LEO1: variants seen among roughly 807,000 people sequenced by gnomAD.
The protein encoded by LEO1 is RNA polymerase-associated protein LEO1.
Under a neutral mutation model 80.4 loss-of-function variants are expected in LEO1, and 34 were observed. The ratio of observed to expected loss-of-function variants is 0.42; its 90% CI spans 0.32 to 0.56. The LOEUF (loss-of-function observed/expected upper bound fraction) is 0.56, where lower values mean the gene tolerates loss of function less well. Ranked by LOEUF, LEO1 falls within the 20% of genes least tolerant of loss-of-function variation. LEO1 has a pLI of 0.10. For synonymous variants in LEO1, 262 were observed against 274.9 expected, an observed-to-expected ratio of 0.95 and a Z score of 0.46; for missense variants, 631 against 814.2, an observed-to-expected ratio of 0.77 and a Z score of 2.74.
intron 11 of LEO1, among the ~76,000 whole-genome samples, chr15:51,942,864 G>C (rs1160536903): frequency 6.7e-6 from 1 of 149,768 alleles, no homozygotes; most frequent in Non-Finnish European, 1.5e-5. Flanking sequence ...GGAGGTTGCA[G>C]TGAGCCAAGA....
chr15:51,956,988 G>T (rs2593185), intron 6 of LEO1, among the ~76,000 whole-genome samples: 15 of 151,836 alleles, frequency 9.9e-5, no homozygotes, highest in Middle Eastern at 3.4e-3. Flanking sequence ...CATCTCTGCT[G>T]GCTAATTTTT....
intron 6 of LEO1, 44 bp from the exon 7 acceptor site, chr15:51,954,619 ACT>A (rs2056974083): frequency 3.9e-6 from 5 of 1,273,392 alleles, no homozygotes; most frequent in Non-Finnish European, 4.6e-6. Flanking sequence ...AGTTTAAATG[ACT>A]CTATGCATCT....
intron 1 of LEO1, 132 bp downstream of exon 1, chr15:51,971,556 G>T: frequency 1.2e-6 from 1 of 856,880 alleles, no homozygotes; most frequent in Non-Finnish European, 1.9e-6. Flanking sequence ...ACCTCCGGGA[G>T]TGCAGGGGGC....
intron 9 of LEO1, 25 bp from the exon 10 acceptor site, chr15:51,950,019 T>A (rs770004465): frequency 6.3e-7 from 1 of 1,584,624 alleles, no homozygotes; most frequent in Admixed American, 1.8e-5. Context: ...ATAACCTCTT[T>A]AACCTAAAAA....
At chr15:51,971,648 G>A (rs192162555) in intron 1 of LEO1, 40 bp downstream of exon 1, 10 of 1,603,920 alleles carry the variant, frequency 6.2e-6, no homozygotes, top group Non-Finnish European at 7.7e-6. Context: ...ACAGCGGAAG[G>A]CCTGCCACGC....
chr15:51,960,557 C>A, intron 4 of LEO1, 82 bp downstream of exon 4: 1 of 774,062 alleles, frequency 1.3e-6, no homozygotes, highest in Non-Finnish European at 2.3e-6. Flanking sequence ...TTATCAACTT[C>A]CTTTCCTGGA....
At chr15:51,956,981 C>T (rs1034760177) in intron 6 of LEO1, among the ~76,000 whole-genome samples, 3 of 152,088 alleles carry the variant, frequency 2.0e-5, no homozygotes, top group African/African-American at 7.2e-5. Context: ...CATGCGCCAT[C>T]TCTGCTGGCT....
chr15:51,944,841 G>C (rs1474209374), intron 11 of LEO1, among the ~76,000 whole-genome samples: 1 of 152,184 alleles, frequency 6.6e-6, no homozygotes, highest in South Asian at 2.1e-4. Context: ...GCAACGCTGA[G>C]AGAAAAATGA....
At position 51,971,723 on chromosome 15, in the gene LEO1, A is replaced by G. The variant is rs773611064; in HGVS notation, c.23T>C (p.Phe8Ser). The stretch of plus-strand genomic sequence containing the variant: ...AGCTTCGCTGTCGGCGTCGCTCCCG[A>G]AGAGATCCTCCATATCCGCCATTAT... Reference protein sequence around the residue: MADMEDLFGSDADSEAER... With the variant: MADMEDLSGSDADSEAER... Residue 8 changes from phenylalanine to serine, a missense_variant, in exon 1 of 12, where the codon TTC becomes TCC. Transcript: ENST00000299601. The G allele has an allele frequency of 6.2e-7, 1 of 1,614,162 alleles. No homozygotes were observed. Among genetic ancestry groups the G allele is most frequent in the Admixed American group, 1.7e-5 (1 of 60,020 alleles).
rs778035058 is a variant in LEO1 at position 51,951,862 on chromosome 15, T to C, written c.1593A>G (p.Gln531=). ...LPMAGRDPEC[Q]RTEMIKKEEE... is the part of the protein sequence containing the mutation. ...AACATACCTTAATCATTTCTGTGCG[T>C]TGGCATTCAGGATCACGACCAGCCA... The change falls in exon 9 of 12, where the codon CAA becomes CAG. Residue 531 remains glutamine, a synonymous_variant. Transcript: ENST00000299601. The C allele has an allele frequency of 2.5e-6, 4 of 1,614,072 alleles. No homozygotes were observed. In the South Asian group the frequency reaches 3.3e-5, roughly 13 times the overall value.
At chr15:51,970,685 T>C (rs1375516216) in intron 1 of LEO1, among the ~76,000 whole-genome samples, 1 of 152,106 alleles carries the variant, frequency 6.6e-6, no homozygotes, top group African/African-American at 2.4e-5. Context: ...GGAAGGAGCA[T>C]ATGAGGAGTA....
At chr15:51,959,152 G>C (rs966866145) in intron 5 of LEO1, among the ~76,000 whole-genome samples, 2 of 151,946 alleles carry the variant, frequency 1.3e-5, no homozygotes, top group Non-Finnish European at 2.9e-5. Context: ...ACAGGAATGC[G>C]CCACCATGCC....
At chr15:51,949,669 C>A in intron 10 of LEO1, 139 bp downstream of exon 10, 1 of 723,710 alleles carries the variant, frequency 1.4e-6, no homozygotes, top group East Asian at 2.6e-5. Flanking sequence ...CACTGCACTC[C>A]AGCCTGGGTG....
At chr15:51,946,004 A>C (rs1224766343) in intron 11 of LEO1, among the ~76,000 whole-genome samples, 1 of 151,988 alleles carries the variant, frequency 6.6e-6, no homozygotes, top group East Asian at 1.9e-4. Context: ...ACTGCACTCC[A>C]GCCTGGGCAA....
intron 11 of LEO1, among the ~76,000 whole-genome samples, chr15:51,939,422 C>A (rs769056416): frequency 6.6e-6 from 1 of 152,060 alleles, no homozygotes; most frequent in Non-Finnish European, 1.5e-5. Context: ...TCCCACAGAC[C>A]TGAAAGGCCA....
intron 11 of LEO1, among the ~76,000 whole-genome samples, chr15:51,946,331 A>G (rs1034068673): frequency 6.6e-6 from 1 of 151,918 alleles, no homozygotes; most frequent in African/African-American, 2.4e-5. Context: ...GAGAGTAGCT[A>G]GGATTACAGG....
At chr15:51,955,306 A>G (rs1188487856) in intron 6 of LEO1, among the ~76,000 whole-genome samples, 1 of 152,196 alleles carries the variant, frequency 6.6e-6, no homozygotes, top group African/African-American at 2.4e-5. Context: ...AACTCCATAA[A>G]AATGAGACCA....
intron 11 of LEO1, among the ~76,000 whole-genome samples, chr15:51,943,699 C>A (rs201195598): frequency 3.5e-4 from 43 of 122,816 alleles, no homozygotes; most frequent in Admixed American, 4.9e-4. Flanking sequence ...GACCCTGTCT[C>A]AAAAAAAAAA....
intron 10 of LEO1, among the ~76,000 whole-genome samples, chr15:51,949,012 A>T (rs556467166): frequency 6.6e-6 from 1 of 152,272 alleles, no homozygotes; most frequent in East Asian, 1.9e-4. Flanking sequence ...AAAAACAAGG[A>T]AATAAGAGCA....
Sources: allele counts gnomAD v4.1 joint callset (sites outside exome capture counted in the v4.1 genomes callset), GRCh38; gene constraint gnomAD v4.1.1; transcripts MANE v1.5; gene names NCBI Gene and HGNC (gene_info 2026-07-23, HGNC 2026-07-21).